The following LIN7A variants were observed in gnomAD, a reference collection of about 807,000 sequenced individuals.
The protein encoded by LIN7A is lin-7 cell polarity scaffold A, also known as protein lin-7 homolog A.
Under a neutral mutation model 29.8 loss-of-function variants are expected in LIN7A, and 25 were observed. The ratio of observed to expected loss-of-function variants is 0.84; its 90% CI spans 0.61 to 1.17. The LOEUF is 1.17. Among genes scored for constraint, LIN7A ranks in the 50% most tolerant of loss-of-function variants. The pLI is 0.00. For synonymous variants in LIN7A, 118 were observed against 107.5 expected, an observed-to-expected ratio of 1.10 and a Z score of -0.60; for missense variants, 239 against 287.0, an observed-to-expected ratio of 0.83 and a Z score of 1.21.
intron 4 of LIN7A, among the ~76,000 whole-genome samples, chr12:80,838,773 G>A (rs1254122436): frequency 1.3e-5 from 2 of 152,190 alleles, no homozygotes; most frequent in East Asian, 3.9e-4. Flanking sequence ...CTGGGGATCT[G>A]TGTGCCAGGC....
intron 1 of LIN7A, among the ~76,000 whole-genome samples, chr12:80,913,114 T>A (rs1184361853): frequency 1.3e-5 from 2 of 152,184 alleles, no homozygotes; most frequent in African/African-American, 2.4e-5. Context: ...AATTTTCCTA[T>A]GAGCTTACCG....
chr12:80,910,203 T>A (rs1876685341), intron 1 of LIN7A, among the ~76,000 whole-genome samples: 1 of 152,176 alleles, frequency 6.6e-6, no homozygotes, highest in Admixed American at 6.5e-5. Flanking sequence ...TATACAGAAA[T>A]ACAACTGATA....
chr12:80,901,378 G>A (rs1043558645), intron 1 of LIN7A, among the ~76,000 whole-genome samples: 4 of 152,012 alleles, frequency 2.6e-5, no homozygotes, highest in Non-Finnish European at 4.4e-5. Context: ...ATTTCTTATC[G>A]GTCTAATGAT....
In LIN7A at chr12:80,879,645, C is replaced by CAAAAA. The variant is rs530877505; in HGVS notation, c.201+9601_201+9605dup. On this transcript the variant is annotated intron_variant, in intron 2 of 5. Coordinates refer to ENST00000552864, the MANE Select transcript of LIN7A (RefSeq NM_004664.4). ...GCCCTGCTGTGTCTATGGAGCAGCCCAAAAAAAAAAAAAAAAAAAAAAAAA... is the reference window on the plus strand; with the variant it reads ...GCCCTGCTGTGTCTATGGAGCAGCCCAAAAAAAAAAAAAAAAAAAAAAAAAAAAAA... Among the ~76,000 whole-genome samples, 52 of 58,704 alleles carry CAAAAA rather than the reference C, an allele frequency of 8.9e-4. 5 individuals carry two copies. Among genetic ancestry groups the CAAAAA allele is most frequent in the East Asian group, 4.1e-3 (6 of 1,480 alleles). The allele number at this position is 58,704 out of a possible 152,430, so 38.5% of individuals were successfully genotyped here. A position where few individuals can be genotyped will look rare whatever the true frequency, so the allele number is the denominator to read the frequency against.
intron 2 of LIN7A, among the ~76,000 whole-genome samples, chr12:80,854,209 C>T (rs1287057843): frequency 1.3e-5 from 2 of 151,982 alleles, no homozygotes; most frequent in East Asian, 1.9e-4. Context: ...CTGGAAACAA[C>T]CCAAATAGCC....
intron 2 of LIN7A, among the ~76,000 whole-genome samples, chr12:80,852,701 G>A (rs763841494): frequency 2.8e-4 from 43 of 152,158 alleles, no homozygotes; most frequent in Non-Finnish European, 5.1e-4. Flanking sequence ...GATTTTGGTT[G>A]TTCTCTCTTC....
At chr12:80,937,585 G>A in intron 1 of LIN7A, 56 bp downstream of exon 1, 1 of 1,268,172 alleles carries the variant, frequency 7.9e-7, no homozygotes, top group Non-Finnish European at 1.1e-6. Context: ...TGGCAGGCGG[G>A]GAAGGGAGGA....
At chr12:80,833,133 C>T (rs1314825488) in intron 4 of LIN7A, among the ~76,000 whole-genome samples, 3 of 152,170 alleles carry the variant, frequency 2.0e-5, no homozygotes, top group Non-Finnish European at 4.4e-5. Context: ...ATTAAATTTA[C>T]ATCTTGGAAA....
At position 80,877,538 on chromosome 12, in the gene LIN7A, G is replaced by A. The variant is rs1874773906; in HGVS notation, c.201+11713C>T. Among the ~76,000 whole-genome samples, 4 of 151,806 alleles carry A rather than the reference G, an allele frequency of 2.6e-5. No individual in the cohort carries two copies. The South Asian group carries it at 8.3e-4, about 32-fold the overall frequency. On this transcript the variant is annotated intron_variant, in intron 2 of 5. Coordinates refer to ENST00000552864, the MANE Select transcript of LIN7A (RefSeq NM_004664.4). ...TCAGACTATATACAAATAAAGCAAG[G>A]AAATAATGAAAAAAGCTGGGATCAG...
At chr12:80,854,812 CA>C (rs1184933522) in intron 2 of LIN7A, among the ~76,000 whole-genome samples, 3 of 151,856 alleles carry the variant, frequency 2.0e-5, no homozygotes, top group African/African-American at 7.3e-5. Context: ...CATAGGAAAG[CA>C]GAAAATATTT....
chr12:80,812,605 G>T (rs973776567), intron 4 of LIN7A, among the ~76,000 whole-genome samples: 1 of 151,848 alleles, frequency 6.6e-6, no homozygotes, highest in Non-Finnish European at 1.5e-5. Context: ...AGGCTGGTGT[G>T]CAGTGGCCTG....
intron 1 of LIN7A, among the ~76,000 whole-genome samples, chr12:80,919,879 A>G (rs1420525106): frequency 6.6e-6 from 1 of 151,850 alleles, no homozygotes; most frequent in Non-Finnish European, 1.5e-5. Context: ...ACAGAGAAAC[A>G]CCTTCGTCTC....
chr12:80,897,723 T>C (rs1214685932), intron 1 of LIN7A, among the ~76,000 whole-genome samples: 15 of 152,076 alleles, frequency 9.9e-5, no homozygotes, highest in Non-Finnish European at 5.9e-5. Context: ...AAGAATCACC[T>C]GAACCTGGGA....
chr12:80,869,363 T>C (rs946286840), intron 2 of LIN7A, among the ~76,000 whole-genome samples: 12 of 152,092 alleles, frequency 7.9e-5, no homozygotes, highest in African/African-American at 2.7e-4. Flanking sequence ...TGGGGAGTTC[T>C]GTGGACCCAT....
chr12:80,843,933 C>T (rs1872940435), intron 4 of LIN7A, among the ~76,000 whole-genome samples: 2 of 151,884 alleles, frequency 1.3e-5, no homozygotes, highest in African/African-American at 4.8e-5. Context: ...GTCTGTTTAG[C>T]TCCCTTATAA....
At chr12:80,876,493 T>G (rs1520806) in intron 2 of LIN7A, among the ~76,000 whole-genome samples, 103,495 of 152,074 alleles carry the variant, frequency 0.68, 39,169 homozygotes, top group Non-Finnish European at 0.87. Context: ...CAAAGGAAGA[T>G]AATATATTCA....
chr12:80,900,632 TATG>T (rs1846521261), intron 1 of LIN7A, among the ~76,000 whole-genome samples: 1 of 152,224 alleles, frequency 6.6e-6, no homozygotes, highest in African/African-American at 2.4e-5. Flanking sequence ...ATGTGGTTGA[TATG>T]ATGTTGGTTT....
At chr12:80,834,508 G>A (rs961340291) in intron 4 of LIN7A, among the ~76,000 whole-genome samples, 1 of 152,146 alleles carries the variant, frequency 6.6e-6, no homozygotes. Flanking sequence ...GTATCTATGA[G>A]AGAAGAGAAA....
At chr12:80,849,974 A>G (rs1201639379) in intron 2 of LIN7A, among the ~76,000 whole-genome samples, 1 of 152,170 alleles carries the variant, frequency 6.6e-6, no homozygotes, top group Non-Finnish European at 1.5e-5. Flanking sequence ...GCCTGCATCC[A>G]AGGATGTTTA....
Sources: gnomAD v4.1 joint callset for allele counts (sites outside exome capture counted in the v4.1 genomes callset) on GRCh38, gnomAD v4.1.1 for gene constraint, MANE v1.5 for transcripts, NCBI Gene and HGNC (gene_info 2026-07-23, HGNC 2026-07-21) for gene names.